The following VAC14 variants were observed in gnomAD, a reference collection of about 807,000 sequenced individuals.
VAC14 encodes the protein VAC14 component of PIKFYVE complex, also known as protein VAC14 homolog.
A neutral mutation model predicts 85.3 loss-of-function variants in VAC14; 47 were observed. The observed-to-expected ratio is 0.55, with a 90% confidence interval of 0.44 to 0.70. The LOEUF (loss-of-function observed/expected upper bound fraction) is 0.70, where lower values mean the gene tolerates loss of function less well. Ranked by LOEUF, VAC14 falls within the 30% of genes least tolerant of loss-of-function variation. VAC14 has a pLI of 0.00. For missense variants in VAC14, 861 were observed against 1,004.3 expected (o/e 0.86, Z 1.93); for synonymous variants, 447 against 430.5 (o/e 1.04, Z -0.47).
intron 12 of VAC14, among the ~76,000 whole-genome samples, chr16:70,758,411 C>G (rs1275737126): frequency 2.0e-5 from 3 of 152,208 alleles, no homozygotes; most frequent in African/African-American, 7.2e-5. Flanking sequence ...AGGGTCATGG[C>G]CACCTGTCTG....
intron 12 of VAC14, among the ~76,000 whole-genome samples, chr16:70,745,698 C>A (rs151310447): frequency 2.2e-4 from 34 of 152,320 alleles, no homozygotes; most frequent in East Asian, 5.8e-4. Context: ...GCCTGTCCCC[C>A]CAAAAGGTGT....
intron 18 of VAC14, 142 bp downstream of exon 18, chr16:70,692,679 A>C: frequency 7.3e-6 from 8 of 1,093,250 alleles, no homozygotes; most frequent in Non-Finnish European, 1.0e-5. Context: ...TGCGGGGGGG[A>C]TGGTGGTCAC....
At chr16:70,782,350 T>C (rs2033854853) in intron 7 of VAC14, among the ~76,000 whole-genome samples, 1 of 152,370 alleles carries the variant, frequency 6.6e-6, no homozygotes, top group South Asian at 2.1e-4. Flanking sequence ...GAAGTGATGA[T>C]GTGGCTGGAT....
At chr16:70,693,855 G>GC (rs945194155) in intron 17 of VAC14, among the ~76,000 whole-genome samples, 5 of 152,220 alleles carry the variant, frequency 3.3e-5, no homozygotes, top group Non-Finnish European at 5.9e-5. Context: ...CCCTGGAGCG[G>GC]CCACACAGGG....
chr16:70,783,031 A>C lies in VAC14; in HGVS notation c.811+2T>G. 1 of 1,613,388 alleles carries C rather than the reference A, an allele frequency of 6.2e-7. No homozygotes were observed. The highest frequency in any genetic ancestry group is 8.5e-7 in the Non-Finnish European group (1 of 1,179,682). ...GGCTGTGGGCCCTCCCCCAATACTC[A>C]CCTGTTGTCTGGCAGTGGATCACCA... On this transcript the variant is annotated splice_donor_variant, in intron 7 of 18. Coordinates refer to ENST00000261776, the MANE Select transcript of VAC14 (RefSeq NM_018052.5). LOFTEE classifies it high-confidence loss of function.
chr16:70,789,474 A>C (rs2034225545), intron 1 of VAC14, among the ~76,000 whole-genome samples: 1 of 152,200 alleles, frequency 6.6e-6, no homozygotes, highest in African/African-American at 2.4e-5. Flanking sequence ...ATGGGGTTAA[A>C]GGGAGGTGCG....
intron 13 of VAC14, among the ~76,000 whole-genome samples, chr16:70,740,029 C>T (rs995392804): frequency 2.6e-5 from 4 of 151,200 alleles, no homozygotes; most frequent in African/African-American, 4.9e-5. Flanking sequence ...GGTGTGATCT[C>T]GGCTCTCTGC....
Position 70,795,808 on chromosome 16 carries a change from G to A in VAC14, c.104+4989C>T, listed in dbSNP as rs190808423. Reference sequence around the variant, plus strand: ...CAAAAACAAGATCAGGTGCGTTCAGGGAGGTAGAACCACAGATGGAACTCA... The same window carrying A: ...CAAAAACAAGATCAGGTGCGTTCAGAGAGGTAGAACCACAGATGGAACTCA... On this transcript the variant is annotated intron_variant, in intron 1 of 18. Coordinates refer to ENST00000261776, the MANE Select transcript of VAC14 (RefSeq NM_018052.5). Among the ~76,000 whole-genome samples, 11 of 152,302 alleles carry A rather than the reference G, an allele frequency of 7.2e-5. No homozygotes were observed. The East Asian group carries it at 2.1e-3, about 29-fold the overall frequency.
At chr16:70,695,521 G>T (rs780946675) in intron 17 of VAC14, 23 bp downstream of exon 17, 1 of 1,612,716 alleles carries the variant, frequency 6.2e-7, no homozygotes, top group Non-Finnish European at 8.5e-7. Context: ...ATGGCGCGAG[G>T]TGTGGTGGGA....
At position 70,692,842 on chromosome 16, in the gene VAC14, T is replaced by G. The variant is rs1597845986; in HGVS notation, c.2165A>C (p.Asn722Thr). 1 of 1,601,774 alleles carries G rather than the reference T, an allele frequency of 6.2e-7. No individual in the cohort carries two copies. The highest frequency in any genetic ancestry group is 8.5e-7 in the Non-Finnish European group (1 of 1,176,220). The change falls in exon 18 of 19, where the codon AAC becomes ACC. Residue 722 changes from asparagine (N) to threonine (T), a missense_variant. This residue lies in a region of VAC14 where 163 missense variants were observed against 162.2 expected (regional missense o/e 1.00). Coordinates refer to ENST00000261776, the MANE Select transcript of VAC14 (RefSeq NM_018052.5). ...LLSHRLQCVP[N>T]PELLQTEDSL... is the part of the protein sequence containing the mutation. ...TCACTCGGTCTGCAGCAGCTCAGGG[T>G]TGGGCACGCACTGGAGCCGGTGCGA...
At chr16:70,778,221 G>A (rs762703883) in intron 9 of VAC14, among the ~76,000 whole-genome samples, 33 of 152,302 alleles carry the variant, frequency 2.2e-4, no homozygotes, top group African/African-American at 3.8e-4. Context: ...TGCACTGGCC[G>A]GGAATCAAAC....
intron 14 of VAC14, among the ~76,000 whole-genome samples, chr16:70,728,633 C>T (rs778245431): frequency 2.0e-5 from 3 of 152,218 alleles, no homozygotes; most frequent in African/African-American, 7.2e-5. Context: ...GGGGCCTGCA[C>T]TTCTGCTCCA....
chr16:70,714,242 C>T (rs1298059426), intron 14 of VAC14: 5 of 152,310 alleles, frequency 3.3e-5, no homozygotes, highest in Non-Finnish European at 7.4e-5. Flanking sequence ...AGTCATCTCT[C>T]CATCATCTCT....
chr16:70,771,961 T>A (rs1416227031), intron 10 of VAC14, 148 bp downstream of exon 10: 2 of 690,786 alleles, frequency 2.9e-6, no homozygotes, highest in African/African-American at 1.8e-5. Context: ...GATTCCTTCA[T>A]CAATTAACTC....
chr16:70,729,544 C>T (rs1022067519), intron 14 of VAC14, among the ~76,000 whole-genome samples: 6 of 152,128 alleles, frequency 3.9e-5, no homozygotes, highest in Admixed American at 1.3e-4. Context: ...GCTCCTGCAG[C>T]GGCTCGCAGC....
chr16:70,687,900 C>T lies in VAC14; in HGVS notation c.*28G>A, dbSNP rs751572538. On this transcript the variant is annotated 3_prime_UTR_variant, in exon 19 of 19. Transcript: ENST00000261776. ...ACCCTTAGTGTTTCATGGGACCACT[C>T]GGTGGGCCCTCCTCCGTGCCAGGCC... The T allele has an allele frequency of 1.0e-4, 155 of 1,482,758 alleles. 1 individual carries two copies. The Middle Eastern group carries it at 1.3e-3, about 12-fold the overall frequency. 91.9% of individuals were successfully genotyped at this position (1,482,758 alleles called of 1,614,324 possible).
intron 9 of VAC14, among the ~76,000 whole-genome samples, chr16:70,780,097 C>T (rs377198170): frequency 2.7e-5 from 4 of 149,114 alleles, no homozygotes; most frequent in African/African-American, 9.9e-5. Context: ...TGAGTTCATG[C>T]AGATTGCCTC....
intron 8 of VAC14, 33 bp downstream of exon 8, chr16:70,781,834 TTC>T: frequency 6.2e-7 from 1 of 1,610,072 alleles, no homozygotes; most frequent in Non-Finnish European, 8.5e-7. Context: ...CCTTTGGGGC[TTC>T]TCTCAATTAT....
intron 10 of VAC14, among the ~76,000 whole-genome samples, chr16:70,763,453 G>A (rs1436371327): frequency 1.3e-5 from 2 of 152,290 alleles, no homozygotes; most frequent in African/African-American, 4.8e-5. Context: ...CCCTTTCTTG[G>A]AAAAACAAAA....
Sources: allele counts gnomAD v4.1 joint callset (sites outside exome capture counted in the v4.1 genomes callset), GRCh38; gene constraint gnomAD v4.1.1; regional missense constraint gnomAD v4.1.1; transcripts MANE v1.5; gene names NCBI Gene and HGNC (gene_info 2026-07-23, HGNC 2026-07-21).